Variants in MOCOS observed in about 807,000 individuals in gnomAD.
The protein encoded by MOCOS is human molybdenum cofactor sulfurase.
Under a neutral mutation model 83.6 loss-of-function variants are expected in MOCOS, and 86 were observed. The observed-to-expected ratio is 1.03, with a 90% CI of 0.86 to 1.23. The LOEUF (loss-of-function observed/expected upper bound fraction) is 1.23. Ranked by LOEUF, MOCOS falls within the 50% of genes most tolerant of loss-of-function variation. The pLI, the probability that MOCOS is intolerant of heterozygous loss-of-function variation, is 0.00. For missense variants in MOCOS, 1,120 were observed against 1,126.9 expected (o/e 0.99, Z 0.09); for synonymous variants, 445 against 434.7 (o/e 1.02, Z -0.29).
chr18:36,224,445 A>G (rs928347891), intron 9 of MOCOS, among the ~76,000 whole-genome samples: 1 of 152,248 alleles, frequency 6.6e-6, no homozygotes, highest in South Asian at 2.1e-4. Flanking sequence ...GGCATTTATT[A>G]TCTTGAGGTA....
At chr18:36,265,306 T>C (rs2091678151) in intron 13 of MOCOS, among the ~76,000 whole-genome samples, 1 of 152,238 alleles carries the variant, frequency 6.6e-6, no homozygotes, top group South Asian at 2.1e-4. Context: ...TAGAAAGTCC[T>C]TGAGACAGTC....
rs560560079 is a variant in MOCOS at position 36,265,406 on chromosome 18, A to G, written c.2410-1343A>G. Among the ~76,000 whole-genome samples, 323 of 152,362 alleles carry G rather than the reference A, an allele frequency of 2.1e-3. 1 individual carries two copies. The highest frequency in any genetic ancestry group is 4.3e-3 in the Non-Finnish European group (294 of 68,042). ...GTCTAATCAGTGATTTCATCCTGGT[A>G]TCTGCAACTTTCACACCAGTAACAG... On this transcript the variant is annotated intron_variant, in intron 13 of 14. Transcript: ENST00000261326.
rs1156637501 is a variant in MOCOS at position 36,270,287 on chromosome 18, C to G, written c.*1602C>G. ...CAATGCCCTAAAGTAATGGATTTAT[C>G]CACCTACTCAGGCCAGTTTCATGCA... is the stretch of plus-strand genomic sequence containing the variant. On this transcript the variant is annotated 3_prime_UTR_variant, in exon 15 of 15. Transcript: ENST00000261326. 6.6e-6 allele frequency: 1 copy of G among 152,182 alleles called. No homozygotes were observed. The highest frequency in any genetic ancestry group is 2.4e-5 in the African/African-American group (1 of 41,438). 9.4% of individuals were successfully genotyped at this position (152,182 alleles called of 1,614,324 possible).
At position 36,203,285 on chromosome 18, in the gene MOCOS, GTGGAAGTGAC is replaced by G. The variant is rs2091421669; in HGVS notation, c.1018+100_1018+109del. The G allele has an allele frequency of 6.7e-6, 8 of 1,185,680 alleles. No individual in the cohort carries two copies. In the South Asian group the frequency reaches 8.6e-5, roughly 13 times the overall value. The allele number at this position is 1,185,680 out of a possible 1,614,324, so 73.4% of individuals were successfully genotyped here. ...GATTCAGGTAAAGGAGACAGAGTCT[GTGGAAGTGAC>G]TGGCACTCCATGTAGTTAAATTTGA... On this transcript the variant is annotated intron_variant, in intron 5 of 14. Coordinates refer to ENST00000261326, the MANE Select transcript of MOCOS (RefSeq NM_017947.4).
At chr18:36,239,866 T>G (rs2091574301) in intron 9 of MOCOS, among the ~76,000 whole-genome samples, 1 of 152,144 alleles carries the variant, frequency 6.6e-6, no homozygotes. Flanking sequence ...ATTTTCCTTC[T>G]TGCTTCATTT....
intron 1 of MOCOS, among the ~76,000 whole-genome samples, chr18:36,194,199 T>C (rs932451762): frequency 1.1e-3 from 6 of 5,490 alleles, no homozygotes; most frequent in South Asian, 0.019. Context: ...ATGAAAATAT[T>C]CTAAAATTGG....
intron 9 of MOCOS, among the ~76,000 whole-genome samples, chr18:36,231,071 G>T (rs948486605): frequency 6.6e-6 from 1 of 152,042 alleles, no homozygotes; most frequent in Non-Finnish European, 1.5e-5. Context: ...TTTATTGTAG[G>T]TTTTTGATTG....
chr18:36,219,186 T>A (rs1370421720), intron 8 of MOCOS, among the ~76,000 whole-genome samples: 10 of 150,050 alleles, frequency 6.7e-5, no homozygotes, highest in African/African-American at 2.5e-4. Flanking sequence ...TATTATTATT[T>A]TATTTTATTT....
At chr18:36,194,416 T>C (rs1422373615) in intron 1 of MOCOS, among the ~76,000 whole-genome samples, 1 of 152,190 alleles carries the variant, frequency 6.6e-6, no homozygotes. Context: ...TACTTATTAT[T>C]AGTGTACAAT....
chr18:36,239,896 T>G (rs371777996), intron 9 of MOCOS, among the ~76,000 whole-genome samples: 1 of 152,096 alleles, frequency 6.6e-6, no homozygotes, highest in Non-Finnish European at 1.5e-5. Context: ...CATCTTCCAT[T>G]GCTGATACTC....
At chr18:36,212,108 G>A (rs2091457831) in intron 6 of MOCOS, among the ~76,000 whole-genome samples, 1 of 152,156 alleles carries the variant, frequency 6.6e-6, no homozygotes, top group Non-Finnish European at 1.5e-5. Flanking sequence ...AGGAGTAAAG[G>A]AGTCTCCAGA....
intron 9 of MOCOS, among the ~76,000 whole-genome samples, chr18:36,239,911 T>C (rs1164159377): frequency 1.3e-5 from 2 of 152,068 alleles, no homozygotes; most frequent in African/African-American, 4.8e-5. Context: ...ATACTCTTTC[T>C]TCCAGTTGAT....
intron 9 of MOCOS, among the ~76,000 whole-genome samples, chr18:36,223,921 T>C (rs2091506037): frequency 1.3e-5 from 2 of 152,194 alleles, no homozygotes. Flanking sequence ...AGCCTTGAAC[T>C]CCTGGGCTCA....
At chr18:36,191,020 C>CTCAAAAAAA (rs1555650775) in intron 1 of MOCOS, among the ~76,000 whole-genome samples, 1 of 81,434 alleles carries the variant, frequency 1.2e-5, no homozygotes, top group African/African-American at 4.1e-5. Flanking sequence ...CCCTATCTCT[C>CTCAAAAAAA]AAAAAAAAAA....
At chr18:36,197,770 T>C (rs1315257380) in intron 2 of MOCOS, among the ~76,000 whole-genome samples, 1 of 151,872 alleles carries the variant, frequency 6.6e-6, no homozygotes, top group African/African-American at 2.4e-5. Flanking sequence ...AGATTGTGTC[T>C]CTCTTAAAAA....
intron 9 of MOCOS, among the ~76,000 whole-genome samples, chr18:36,232,550 A>G (rs978856064): frequency 6.6e-6 from 1 of 152,100 alleles, no homozygotes; most frequent in Non-Finnish European, 1.5e-5. Flanking sequence ...ATTGTTAACC[A>G]TAGTCACCCT....
intron 9 of MOCOS, among the ~76,000 whole-genome samples, chr18:36,237,474 G>A: frequency 6.6e-6 from 1 of 152,194 alleles, no homozygotes; most frequent in Non-Finnish European, 1.5e-5. Flanking sequence ...GCATCCCAGG[G>A]ATGAAGCCCA....
chr18:36,244,990 C>T (rs1159440984), intron 9 of MOCOS, among the ~76,000 whole-genome samples: 1 of 152,140 alleles, frequency 6.6e-6, no homozygotes. Context: ...TCTTTTTCCA[C>T]CCCTTTCATC....
At chr18:36,218,943 A>G (rs28496974) in intron 8 of MOCOS, among the ~76,000 whole-genome samples, 62,649 of 150,294 alleles carry the variant, frequency 0.42, 14,075 homozygotes, top group East Asian at 0.69. Context: ...ATCTTGGCTC[A>G]CTGCAAGCTC....
Sources: allele counts gnomAD v4.1 joint callset (sites outside exome capture counted in the v4.1 genomes callset), GRCh38; gene constraint gnomAD v4.1.1; transcripts MANE v1.5; gene names NCBI Gene and HGNC (gene_info 2026-07-23, HGNC 2026-07-21).